Variants in LIMK2 observed in about 807,000 individuals in gnomAD.
LIMK2 encodes LIM domain kinase 2.
A neutral mutation model predicts 75.7 loss-of-function variants in LIMK2; 35 were observed. The observed-to-expected ratio is 0.46, with a 90% CI of 0.35 to 0.61. The LOEUF (loss-of-function observed/expected upper bound fraction) is 0.61, where lower values mean the gene tolerates loss of function less well. Among genes scored for constraint, LIMK2 ranks in the 20% least tolerant of loss-of-function variants. LIMK2 has a pLI of 0.00. For synonymous variants in LIMK2, 301 were observed against 319.2 expected (o/e 0.94, Z 0.61); for missense variants, 623 against 831.0 (o/e 0.75, Z 3.08).
intron 2 of LIMK2, among the ~76,000 whole-genome samples, chr22:31,243,295 C>T (rs879881907): frequency 1.3e-5 from 2 of 151,984 alleles, no homozygotes; most frequent in Non-Finnish European, 2.9e-5. Context: ...GAGTGGGGCA[C>T]GAAAGATGGT....
intron 1 of LIMK2, among the ~76,000 whole-genome samples, chr22:31,215,606 C>T (rs1440521547): frequency 3.3e-5 from 5 of 152,160 alleles, no homozygotes; most frequent in East Asian, 3.8e-4. Context: ...CTGCTTAAGA[C>T]GTACAGGGTC....
At chr22:31,259,055 C>T in intron 3 of LIMK2, 66 bp from the exon 4 acceptor site, 1 of 941,398 alleles carries the variant, frequency 1.1e-6, no homozygotes, top group Non-Finnish European at 1.7e-6. Context: ...CCTGTCCTCA[C>T]TCCAGCAACA....
intron 2 of LIMK2, among the ~76,000 whole-genome samples, chr22:31,234,568 A>G (rs1278610287): frequency 6.6e-6 from 1 of 151,312 alleles, no homozygotes; most frequent in African/African-American, 2.4e-5. Context: ...TAAAAATACA[A>G]AAATTAGCTG....
intron 2 of LIMK2, among the ~76,000 whole-genome samples, chr22:31,246,181 A>G (rs968489526): frequency 8.7e-6 from 1 of 115,112 alleles, no homozygotes; most frequent in South Asian, 2.9e-4. Context: ...ACACGCACGC[A>G]CGCACACACA....
chr22:31,228,939 C>T (rs1444157263), intron 2 of LIMK2, among the ~76,000 whole-genome samples: 2 of 148,174 alleles, frequency 1.3e-5, no homozygotes, highest in East Asian at 4.1e-4. Flanking sequence ...AGAGTGAAAC[C>T]CCTGTCTCAA....
At chr22:31,268,778 G>A (rs1030321840) in intron 11 of LIMK2, among the ~76,000 whole-genome samples, 1 of 152,230 alleles carries the variant, frequency 6.6e-6, no homozygotes, top group East Asian at 1.9e-4. Context: ...ACATGCATGT[G>A]CATGTTTATT....
intron 1 of LIMK2, among the ~76,000 whole-genome samples, chr22:31,224,831 A>G (rs996862525): frequency 3.3e-5 from 5 of 152,224 alleles, no homozygotes; most frequent in African/African-American, 1.2e-4. Flanking sequence ...TCCAACATAC[A>G]AAGAGCTTTG....
intron 2 of LIMK2, among the ~76,000 whole-genome samples, chr22:31,244,902 C>A (rs887516148): frequency 6.6e-6 from 1 of 152,198 alleles, no homozygotes; most frequent in Non-Finnish European, 1.5e-5. Context: ...AATGTCTAGT[C>A]TGGGTTCAAA....
intron 9 of LIMK2, among the ~76,000 whole-genome samples, 175 bp from the exon 10 acceptor site, chr22:31,267,601 C>G (rs901620625): frequency 6.6e-6 from 1 of 152,218 alleles, no homozygotes; most frequent in Non-Finnish European, 1.5e-5. Context: ...GAAGCCATCT[C>G]CATCTATATG....
Position 31,259,239 on chromosome 22 carries a change from G to C in LIMK2, c.362+9G>C, listed in dbSNP as rs1490837652. 2 of 1,545,874 alleles carry C rather than the reference G, an allele frequency of 1.3e-6. No individual in the cohort carries two copies. The highest frequency in any genetic ancestry group is 1.8e-6 in the Non-Finnish European group (2 of 1,118,040). On this transcript the variant is annotated intron_variant, in intron 4 of 15. Coordinates refer to ENST00000331728, the MANE Select transcript of LIMK2 (RefSeq NM_005569.4). ...CATGCCACCCTCTACTGGTAAGATA[G>C]TGGTCCTTTGTCTATCCTCTCCCAT...
At chr22:31,229,134 TATC>T (rs1290307445) in intron 2 of LIMK2, among the ~76,000 whole-genome samples, 1 of 152,178 alleles carries the variant, frequency 6.6e-6, no homozygotes, top group African/African-American at 2.4e-5. Flanking sequence ...TCAAGCCAAA[TATC>T]ATTCCCGTGG....
chr22:31,241,382 A>G (rs1316902834), intron 2 of LIMK2, among the ~76,000 whole-genome samples: 2 of 152,222 alleles, frequency 1.3e-5, no homozygotes, highest in Non-Finnish European at 2.9e-5. Flanking sequence ...TAGTTCCCTC[A>G]GGAACGGCTC....
chr22:31,238,081 C>G (rs982981166), intron 2 of LIMK2, among the ~76,000 whole-genome samples: 1 of 138,124 alleles, frequency 7.2e-6, no homozygotes, highest in Non-Finnish European at 1.5e-5. Context: ...TGCCACTGCA[C>G]TTCAGCCTGG....
chr22:31,243,434 A>C (rs996983442), intron 2 of LIMK2, among the ~76,000 whole-genome samples: 2 of 152,106 alleles, frequency 1.3e-5, no homozygotes, highest in Admixed American at 1.3e-4. Flanking sequence ...TTGGGTTTTG[A>C]ATTGTTTGAC....
At chr22:31,232,902 C>T (rs1414371760) in intron 2 of LIMK2, among the ~76,000 whole-genome samples, 1 of 152,140 alleles carries the variant, frequency 6.6e-6, no homozygotes, top group African/African-American at 2.4e-5. Flanking sequence ...CTGGCCTGGT[C>T]TCTTAACTGG....
At chr22:31,250,074 T>A (rs2048710088) in intron 2 of LIMK2, among the ~76,000 whole-genome samples, 1 of 152,138 alleles carries the variant, frequency 6.6e-6, no homozygotes, top group Non-Finnish European at 1.5e-5. Context: ...GAGAGGAAAT[T>A]CTCAGGTTTG....
intron 2 of LIMK2, among the ~76,000 whole-genome samples, chr22:31,231,858 C>T (rs896305333): frequency 6.6e-6 from 1 of 152,068 alleles, no homozygotes; most frequent in African/African-American, 2.4e-5. Flanking sequence ...GCTCTGTTGT[C>T]CAGGCTACAG....
At chr22:31,212,485 C>T in intron 1 of LIMK2, 61 bp downstream of exon 1, 1 of 1,310,890 alleles carries the variant, frequency 7.6e-7, no homozygotes, top group Non-Finnish European at 9.8e-7. Context: ...TCCATGGCGC[C>T]TGAGGGAAAC....
chr22:31,245,378 C>T (rs533095990), intron 2 of LIMK2, among the ~76,000 whole-genome samples: 11 of 152,224 alleles, frequency 7.2e-5, no homozygotes, highest in African/African-American at 2.6e-4. Context: ...CTCAGCTCAC[C>T]GCAACCTCTG....
Sources: gnomAD v4.1 joint callset for allele counts (sites outside exome capture counted in the v4.1 genomes callset) on GRCh38, gnomAD v4.1.1 for gene constraint, MANE v1.5 for transcripts, NCBI Gene and HGNC (gene_info 2026-07-23, HGNC 2026-07-21) for gene names.